Variants in OR6N1 observed in about 807,000 individuals in gnomAD.
OR6N1 encodes the protein olfactory receptor family 6 subfamily N member 1.
For missense variants in OR6N1, 394 were observed against 371.7 expected, an observed-to-expected ratio of 1.06 and a Z score of -0.49; for synonymous variants, 170 against 150.7, an observed-to-expected ratio of 1.13 and a Z score of -0.94.
the OR6N1 span, among the ~76,000 whole-genome samples, chr1:158,789,220 G>C: frequency 1.3e-5 from 2 of 152,048 alleles, no homozygotes; most frequent in Admixed American, 6.6e-5. Context: ...GTGTGTATAT[G>C]CCACATTTTC....
At chr1:158,769,268 A>G (rs1004719588) in intron 1 of OR6N1, among the ~76,000 whole-genome samples, 1 of 152,036 alleles carries the variant, frequency 6.6e-6, no homozygotes, top group Non-Finnish European at 1.5e-5. Context: ...GGCTCAAGCA[A>G]TCCTCCCACC....
At chr1:158,818,934 A>G in the OR6N1 span, among the ~76,000 whole-genome samples, 1 of 152,174 alleles carries the variant, frequency 6.6e-6, no homozygotes, top group South Asian at 2.1e-4. Context: ...ATCCTCCCAC[A>G]AAACTTTTCT....
intron 1 of OR6N1, among the ~76,000 whole-genome samples, 172 bp from the exon 2 acceptor site, chr1:158,766,872 T>C (rs767136584): frequency 2.0e-5 from 3 of 152,164 alleles, no homozygotes; most frequent in Non-Finnish European, 4.4e-5. Flanking sequence ...GCCCTTCCTG[T>C]CAACAGCCTC....
At chr1:158,818,126 C>A in the OR6N1 span, among the ~76,000 whole-genome samples, 4 of 152,210 alleles carry the variant, frequency 2.6e-5, no homozygotes, top group Non-Finnish European at 4.4e-5. Context: ...ACCAAACCAT[C>A]TCCCTACTTT....
At chr1:158,768,901 C>T (rs1422268571) in intron 1 of OR6N1, among the ~76,000 whole-genome samples, 1 of 152,080 alleles carries the variant, frequency 6.6e-6, no homozygotes, top group African/African-American at 2.4e-5. Flanking sequence ...GTACTTATTT[C>T]TTATTCCTAT....
the OR6N1 span, among the ~76,000 whole-genome samples, chr1:158,813,598 G>T: frequency 6.6e-6 from 1 of 151,952 alleles, no homozygotes; most frequent in Non-Finnish European, 1.5e-5. Context: ...GGCTGGCAAG[G>T]GGAAGAAAGG....
the OR6N1 span, chr1:158,808,974 T>A: frequency 6.6e-6 from 1 of 152,620 alleles, no homozygotes; most frequent in Non-Finnish European, 1.5e-5. Flanking sequence ...ATAAGGTAGC[T>A]ATCCAGTGCC....
chr1:158,777,490 A>T, the OR6N1 span: 2 of 1,614,186 alleles, frequency 1.2e-6, no homozygotes, highest in South Asian at 2.2e-5. Context: ...ATCCAGTCGG[A>T]TGACTGAGAA....
At chr1:158,787,620 A>ATCTCTC in the OR6N1 span, among the ~76,000 whole-genome samples, 1,372 of 122,394 alleles carry the variant, frequency 0.011, 28 homozygotes, top group African/African-American at 0.032. Flanking sequence ...CTATCTCTCT[A>ATCTCTC]TCTCTCTCTC....
chr1:158,790,361 T>G, the OR6N1 span, among the ~76,000 whole-genome samples: 1 of 152,092 alleles, frequency 6.6e-6, no homozygotes, highest in Non-Finnish European at 1.5e-5. Flanking sequence ...TGTTTTTTTC[T>G]GTTTCTGTGA....
the OR6N1 span, among the ~76,000 whole-genome samples, chr1:158,778,774 G>A: frequency 2.6e-5 from 4 of 152,006 alleles, no homozygotes; most frequent in Admixed American, 6.6e-5. Flanking sequence ...CAGCATTTTG[G>A]GAGGCTGAGG....
the OR6N1 span, among the ~76,000 whole-genome samples, chr1:158,840,117 T>A: frequency 6.6e-6 from 1 of 152,188 alleles, no homozygotes; most frequent in East Asian, 1.9e-4. Flanking sequence ...GCACTGCAAG[T>A]GTCCCAGTAG....
chr1:158,837,476 C>T, the OR6N1 span, among the ~76,000 whole-genome samples: 9 of 151,672 alleles, frequency 5.9e-5, no homozygotes, highest in Non-Finnish European at 1.2e-4. Flanking sequence ...TCTTATAACA[C>T]TTTTTGACTG....
At chr1:158,835,772 G>C in the OR6N1 span, among the ~76,000 whole-genome samples, 2 of 151,938 alleles carry the variant, frequency 1.3e-5, no homozygotes, top group Admixed American at 6.6e-5. Flanking sequence ...TTCGTATGTA[G>C]ACTTTACTAT....
chr1:158,839,729 A>G, the OR6N1 span, among the ~76,000 whole-genome samples: 13 of 152,204 alleles, frequency 8.5e-5, no homozygotes, highest in Non-Finnish European at 1.5e-5. Context: ...AAAAACACCT[A>G]GAAGTTTTCC....
chr1:158,766,110 A>T lies in OR6N1; in HGVS notation c.573T>A (p.Asp191Glu). Residue 191 changes from aspartate (D) to glutamate (E), a missense_variant, in exon 2 of 2, where the codon GAT becomes GAA. Coordinates refer to ENST00000641846, the MANE Select transcript of OR6N1 (RefSeq NM_001005185.2). The part of the protein sequence containing the change: ...FPPVLSLACT[D>E]TSINVLVDFV... ...AATCTACTAGGACATTTATAGACGT[A>T]TCAGTGCAAGCCAAACTCAGCACAG... 6.2e-7 allele frequency: 1 copy of T among 1,614,202 alleles called. No individual in the cohort carries two copies. Among genetic ancestry groups the T allele is most frequent in the Non-Finnish European group, 8.5e-7 (1 of 1,180,024 alleles).
At chr1:158,817,053 C>T in the OR6N1 span, among the ~76,000 whole-genome samples, 2 of 152,098 alleles carry the variant, frequency 1.3e-5, no homozygotes, top group African/African-American at 4.8e-5. Flanking sequence ...TGGGATAATC[C>T]TCTCTTAGAA....
chr1:158,782,693 G>A, the OR6N1 span, among the ~76,000 whole-genome samples: 96,589 of 152,108 alleles, frequency 0.64, 31,311 homozygotes, highest in African/African-American at 0.77. Flanking sequence ...AATCTTACTT[G>A]TTAAGGTAGA....
At chr1:158,801,191 GTGGTCT>G in the OR6N1 span, among the ~76,000 whole-genome samples, 1 of 147,742 alleles carries the variant, frequency 6.8e-6, no homozygotes, top group Admixed American at 6.7e-5. Context: ...GTGTGTGTGT[GTGGTCT>G]GTCTGTGTGT....
Sources: gnomAD v4.1 joint callset for allele counts (sites outside exome capture counted in the v4.1 genomes callset) on GRCh38, gnomAD v4.1.1 for gene constraint, MANE v1.5 for transcripts, NCBI Gene and HGNC (gene_info 2026-07-23, HGNC 2026-07-21) for gene names.